SMIM18: variants seen among roughly 807,000 people sequenced by gnomAD.
SMIM18 encodes small integral membrane protein 18.
Under a neutral mutation model 5.9 loss-of-function variants are expected in SMIM18, and 4 were observed. The observed-to-expected ratio is 0.68, with a 90% confidence interval of 0.33 to 1.56. SMIM18 has a LOEUF of 1.56. SMIM18 is among the 40% of genes most tolerant of loss of function. The pLI, the probability that SMIM18 is intolerant of heterozygous loss-of-function variation, is 0.06. For synonymous variants in SMIM18, 37 were observed against 37.4 expected, an observed-to-expected ratio of 0.99 and a Z score of 0.04; for missense variants, 89 against 109.7, an observed-to-expected ratio of 0.81 and a Z score of 0.84.
At chr8:30,645,086 A>G (rs1211420152) in intron 2 of SMIM18, among the ~76,000 whole-genome samples, 195 bp from the exon 3 acceptor site, 1 of 152,206 alleles carries the variant, frequency 6.6e-6, no homozygotes, top group African/African-American at 2.4e-5. Flanking sequence ...AGCAAATAAT[A>G]TATGTTAAAA....
At chr8:30,640,720 G>A (rs946910040) in intron 1 of SMIM18, among the ~76,000 whole-genome samples, 8 of 151,940 alleles carry the variant, frequency 5.3e-5, no homozygotes, top group South Asian at 2.1e-4. Flanking sequence ...ATTTTTTGGC[G>A]GGGGGACGGA....
chr8:30,642,197 G>C (rs911288622), intron 1 of SMIM18, among the ~76,000 whole-genome samples: 2 of 151,442 alleles, frequency 1.3e-5, no homozygotes, highest in African/African-American at 4.9e-5. Context: ...TTGTATTACA[G>C]TGCATTAAAT....
At chr8:30,643,004 C>T (rs978780777) in intron 1 of SMIM18, among the ~76,000 whole-genome samples, 1 of 152,106 alleles carries the variant, frequency 6.6e-6, no homozygotes, top group Non-Finnish European at 1.5e-5. Flanking sequence ...CGCTGGAGTG[C>T]AATGTGCATT....
chr8:30,641,650 G>A (rs1247297397), intron 1 of SMIM18, among the ~76,000 whole-genome samples: 3 of 152,180 alleles, frequency 2.0e-5, no homozygotes, highest in African/African-American at 7.2e-5. Flanking sequence ...GCCAAGGTGG[G>A]TGGATTACCT....
rs187849048 is a variant in SMIM18, at chr8:30,644,011, T to C, written c.-110-481T>C. Among the ~76,000 whole-genome samples, 68 of 152,342 alleles carry C rather than the reference T, an allele frequency of 4.5e-4. 1 individual carries two copies. The highest frequency in any genetic ancestry group is 1.6e-3 in the African/African-American group (67 of 41,596). On this transcript the variant is annotated intron_variant, in intron 1 of 2. Transcript: ENST00000517349. ...GCATACAGAATGACAACCGATAAAT[T>C]AATGAAGTAGAACTACATTTTTTCT...
intron 1 of SMIM18, among the ~76,000 whole-genome samples, chr8:30,639,417 TATA>T (rs1801729494): frequency 6.6e-6 from 1 of 152,178 alleles, no homozygotes; most frequent in African/African-American, 2.4e-5. Flanking sequence ...ACCATTTAAA[TATA>T]ATGTTGAAGT....
intron 1 of SMIM18, among the ~76,000 whole-genome samples, chr8:30,644,241 T>C (rs924855772): frequency 1.3e-5 from 2 of 152,204 alleles, no homozygotes; most frequent in African/African-American, 2.4e-5. Context: ...AATTCAAGAA[T>C]ACTGAAACTT....
intron 1 of SMIM18, among the ~76,000 whole-genome samples, chr8:30,640,879 G>A (rs761413699): frequency 7.2e-5 from 11 of 152,226 alleles, no homozygotes; most frequent in Non-Finnish European, 1.0e-4. Flanking sequence ...TAATTTTTGT[G>A]TTTTTAGCAG....
At position 30,643,326 on chromosome 8, in the gene SMIM18, T is replaced by A. The variant is rs187214256; in HGVS notation, c.-110-1166T>A. Among the ~76,000 whole-genome samples the A allele has an allele frequency of 2.0e-3, 305 of 152,028 alleles. 2 individuals are homozygous for A. The highest frequency in any genetic ancestry group is 7.1e-3 in the African/African-American group (295 of 41,472). ...TGGGGTGGAAGCAAACAGGTACAGG[T>A]AGAGATGGGCCAAGAGTTGATGAAT... On this transcript the variant is annotated intron_variant, in intron 1 of 2. Coordinates refer to ENST00000517349, the MANE Select transcript of SMIM18 (RefSeq NM_001206847.2).
chr8:30,641,336 T>C (rs931289879), intron 1 of SMIM18, among the ~76,000 whole-genome samples: 1 of 152,152 alleles, frequency 6.6e-6, no homozygotes, highest in African/African-American at 2.4e-5. Context: ...TGGTGTTACC[T>C]ATAGTTATTA....
intron 1 of SMIM18, among the ~76,000 whole-genome samples, 155 bp downstream of exon 1, chr8:30,638,794 T>C (rs1585994151): frequency 1.3e-5 from 2 of 152,232 alleles, no homozygotes; most frequent in South Asian, 2.1e-4. Flanking sequence ...GATTTTATTA[T>C]GAAAATATGA....
rs1440402012 is a variant in SMIM18, at chr8:30,644,571, AG to A, written c.-30+1del. ...GAGACAGAAATACACTGAACCAAAA[AG>A]GTAAGAAGAATCCACAAGGCTAATG... On this transcript the variant is annotated splice_region_variant and 5_prime_UTR_variant, in exon 2 of 3. Coordinates refer to ENST00000517349, the MANE Select transcript of SMIM18 (RefSeq NM_001206847.2). 5 of 151,684 alleles carry A rather than the reference AG, an allele frequency of 3.3e-5. No homozygotes were observed. Among genetic ancestry groups the A allele is most frequent in the African/African-American group, 1.2e-4 (5 of 41,424 alleles). 9.4% of individuals were successfully genotyped at this position (151,684 alleles called of 1,614,324 possible).
In SMIM18 at chr8:30,645,597, A is replaced by G. The variant is rs933733444; in HGVS notation, c.288A>G (p.Ter96=). ...NIRKRETEVV[*] ...GAAAACGTGAAACTGAAGTGGTCTA[A>G]CACTCTATAGAAGATGAACAAAATC... The change falls in exon 3 of 3, where the codon TAA becomes TAG. Residue 96 remains the stop codon, a stop_retained_variant. Transcript: ENST00000517349. 2 of 1,534,944 alleles carry G rather than the reference A, an allele frequency of 1.3e-6. No individual in the cohort carries two copies. The highest frequency in any genetic ancestry group is 1.7e-6 in the Non-Finnish European group (2 of 1,146,664).
chr8:30,643,806 TAAGA>T (rs1272921759), intron 1 of SMIM18: 1 of 151,226 alleles, frequency 6.6e-6, no homozygotes, highest in Non-Finnish European at 1.5e-5. Flanking sequence ...GCAAGGCTAG[TAAGA>T]AAGAAAAAAA....
intron 1 of SMIM18, among the ~76,000 whole-genome samples, chr8:30,644,277 T>C (rs961459235): frequency 2.0e-5 from 3 of 152,192 alleles, no homozygotes; most frequent in African/African-American, 4.8e-5. Flanking sequence ...TTTTGTGAAA[T>C]GGAATAATAA....
intron 1 of SMIM18, among the ~76,000 whole-genome samples, chr8:30,640,377 T>C (rs931679004): frequency 1.3e-5 from 2 of 152,132 alleles, no homozygotes; most frequent in African/African-American, 4.8e-5. Context: ...ACTGGGGCCT[T>C]TGGGAGTAAA....
chr8:30,645,122 T>C (rs561596507), intron 2 of SMIM18, among the ~76,000 whole-genome samples, 159 bp from the exon 3 acceptor site: 3 of 152,332 alleles, frequency 2.0e-5, no homozygotes, highest in Admixed American at 6.5e-5. Flanking sequence ...ACTAAGGACG[T>C]TGGCCCAGAT....
chr8:30,645,280 G>C lies in SMIM18; in HGVS notation c.-29-1G>C, dbSNP rs969360859. On this transcript the variant is annotated splice_acceptor_variant, in intron 2 of 2. Transcript: ENST00000517349. LOFTEE classifies it low-confidence loss of function (5UTR_SPLICE). Reference sequence around the variant, plus strand: ...AAATTCATTTTCTACCTTTTTTATAGATTCAAAAGAGCAAGTGGAATCTCT... The same window carrying C: ...AAATTCATTTTCTACCTTTTTTATACATTCAAAAGAGCAAGTGGAATCTCT... The C allele has an allele frequency of 1.3e-6, 2 of 1,509,912 alleles. No homozygotes were observed. Among genetic ancestry groups the C allele is most frequent in the Non-Finnish European group, 1.8e-6 (2 of 1,137,516 alleles). 93.5% of individuals were successfully genotyped at this position (1,509,912 alleles called of 1,614,324 possible). A position where few individuals can be genotyped will look rare whatever the true frequency, so the allele number is the denominator to read the frequency against.
intron 1 of SMIM18, among the ~76,000 whole-genome samples, chr8:30,642,726 C>T (rs1422749178): frequency 1.3e-5 from 2 of 152,164 alleles, no homozygotes; most frequent in Non-Finnish European, 2.9e-5. Flanking sequence ...AGAACATATC[C>T]TAAATATCTT....
Sources: gnomAD v4.1 joint callset for allele counts (sites outside exome capture counted in the v4.1 genomes callset) on GRCh38, gnomAD v4.1.1 for gene constraint, MANE v1.5 for transcripts, NCBI Gene and HGNC (gene_info 2026-07-23, HGNC 2026-07-21) for gene names.